SH3RF1: variants seen among roughly 807,000 people sequenced by gnomAD.
The protein encoded by SH3RF1 is E3 ubiquitin-protein ligase SH3RF1.
Under a neutral mutation model 74.0 loss-of-function variants are expected in SH3RF1, and 32 were observed. The ratio of observed to expected loss-of-function variants is 0.43; its 90% CI spans 0.33 to 0.58. SH3RF1 has a LOEUF of 0.58. SH3RF1 is among the 20% of genes least tolerant of loss of function. SH3RF1 has a pLI of 0.05. For missense variants in SH3RF1, 954 were observed against 1,130.9 expected (o/e 0.84, Z 2.24); for synonymous variants, 396 against 439.6 (o/e 0.90, Z 1.24).
At chr4:169,210,915 T>C (rs1378408433) in intron 2 of SH3RF1, among the ~76,000 whole-genome samples, 1 of 152,238 alleles carries the variant, frequency 6.6e-6, no homozygotes, top group Admixed American at 6.5e-5. Context: ...GACTTCCCGA[T>C]TTGCAAATTG....
intron 2 of SH3RF1, among the ~76,000 whole-genome samples, chr4:169,165,904 G>A (rs1734234511): frequency 3.3e-5 from 5 of 152,220 alleles, no homozygotes; most frequent in Admixed American, 2.6e-4. Context: ...AGAAGCCCAT[G>A]GGGAATAGAT....
At chr4:169,185,818 A>C (rs1435320848) in intron 2 of SH3RF1, among the ~76,000 whole-genome samples, 1 of 152,206 alleles carries the variant, frequency 6.6e-6, no homozygotes, top group Non-Finnish European at 1.5e-5. Flanking sequence ...TCTCTGCTTG[A>C]GGCAATGAGA....
At chr4:169,254,789 C>G (rs1033657868) in intron 2 of SH3RF1, among the ~76,000 whole-genome samples, 1 of 152,194 alleles carries the variant, frequency 6.6e-6, no homozygotes, top group Non-Finnish European at 1.5e-5. Context: ...TCTTCTGGAC[C>G]TGAACCCAAG....
chr4:169,146,635 A>G (rs34879961), intron 4 of SH3RF1, among the ~76,000 whole-genome samples: 15,213 of 152,236 alleles, frequency 0.1, 947 homozygotes, highest in South Asian at 0.18. Context: ...GGAAAATTTC[A>G]GAGACTGGAG....
intron 10 of SH3RF1, among the ~76,000 whole-genome samples, chr4:169,108,254 T>C (rs987052676): frequency 2.0e-5 from 3 of 152,124 alleles, no homozygotes; most frequent in Non-Finnish European, 4.4e-5. Context: ...TGTAGGCAAA[T>C]TGGAATTATT....
intron 2 of SH3RF1, among the ~76,000 whole-genome samples, chr4:169,237,751 A>G (rs1333734431): frequency 6.6e-6 from 1 of 152,210 alleles, no homozygotes; most frequent in Non-Finnish European, 1.5e-5. Flanking sequence ...TTACTGATAA[A>G]GAATTAGTAA....
rs567645333 is a variant in SH3RF1, at chr4:169,243,966, A to G, written c.393+24854T>C. On this transcript the variant is annotated intron_variant, in intron 2 of 11. Coordinates refer to ENST00000284637, the MANE Select transcript of SH3RF1 (RefSeq NM_020870.4). Reference sequence around the variant, plus strand: ...CATGGCAAGCTACCCTGGAGTTGCCAAAGTCAATATGTGAAGTCTGTCTCT... The same window carrying G: ...CATGGCAAGCTACCCTGGAGTTGCCGAAGTCAATATGTGAAGTCTGTCTCT... Among the ~76,000 whole-genome samples, 3 of 152,200 alleles carry G rather than the reference A, an allele frequency of 2.0e-5. No individual in the cohort carries two copies. The South Asian group carries it at 6.2e-4, about 32-fold the overall frequency.
rs775460725 is a variant in SH3RF1 at position 169,096,364 on chromosome 4, C to A, written c.*155G>T. ...ACACAAACATCTTCTTCATTCTGCT[C>A]GCTGGGGTAACTGTGCTGGGGCATC... On this transcript the variant is annotated 3_prime_UTR_variant, in exon 12 of 12. Coordinates refer to ENST00000284637, the MANE Select transcript of SH3RF1 (RefSeq NM_020870.4). 5.5e-6 allele frequency: 4 copies of A among 727,406 alleles called. No individual in the cohort carries two copies. The highest frequency in any genetic ancestry group is 5.3e-5 in the African/African-American group (3 of 56,530). The allele number at this position is 727,406 out of a possible 1,614,324, so 45.1% of individuals were successfully genotyped here.
At chr4:169,162,019 A>G (rs964374750) in intron 2 of SH3RF1, among the ~76,000 whole-genome samples, 2 of 152,170 alleles carry the variant, frequency 1.3e-5, no homozygotes, top group East Asian at 1.9e-4. Context: ...ATCTCTATAA[A>G]AAGTACAAAA....
chr4:169,116,359 C>T lies in SH3RF1; in HGVS notation c.2049G>A (p.Val683=). The T allele has an allele frequency of 6.2e-7, 1 of 1,614,166 alleles. No individual in the cohort carries two copies. The highest frequency in any genetic ancestry group is 8.5e-7 in the Non-Finnish European group (1 of 1,180,028). Residue 683 remains valine, a synonymous_variant, in exon 10 of 12, where the codon GTG becomes GTA. Transcript: ENST00000284637. The stretch of plus-strand genomic sequence containing the variant: ...ATGTGGGGAGTCCAGGGAGAACGGT[C>T]ACTATCCGGCCACTGGGCTCAGCCT... ...SLEAEPSGRI[V]TVLPGLPTSP...
intron 2 of SH3RF1, among the ~76,000 whole-genome samples, chr4:169,259,265 T>TCTGCACTA (rs1731236700): frequency 6.6e-6 from 1 of 152,240 alleles, no homozygotes; most frequent in African/African-American, 2.4e-5. Flanking sequence ...CCCTTGCCTT[T>TCTGCACTA]CTGCACTACG....
At chr4:169,213,738 C>T (rs1730416108) in intron 2 of SH3RF1, among the ~76,000 whole-genome samples, 1 of 152,178 alleles carries the variant, frequency 6.6e-6, no homozygotes, top group Non-Finnish European at 1.5e-5. Flanking sequence ...ATTTGAATGT[C>T]CAGTTACTCC....
At chr4:169,241,202 C>T (rs1014845432) in intron 2 of SH3RF1, among the ~76,000 whole-genome samples, 12 of 152,288 alleles carry the variant, frequency 7.9e-5, no homozygotes, top group Admixed American at 2.6e-4. Flanking sequence ...TGCACTCCAG[C>T]CTGGGCGACA....
chr4:169,253,437 G>T (rs189635303), intron 2 of SH3RF1, among the ~76,000 whole-genome samples: 4 of 152,308 alleles, frequency 2.6e-5, no homozygotes, highest in Admixed American at 1.3e-4. Context: ...GAGAGCCCAT[G>T]GGCTTTTGTC....
At chr4:169,118,559 G>A (rs1733381640) in intron 8 of SH3RF1, among the ~76,000 whole-genome samples, 1 of 152,074 alleles carries the variant, frequency 6.6e-6, no homozygotes, top group African/African-American at 2.4e-5. Context: ...AGGTTCAAGT[G>A]ATTCTCCTGT....
chr4:169,209,288 GAA>G (rs767430368), intron 2 of SH3RF1, among the ~76,000 whole-genome samples: 7 of 130,256 alleles, frequency 5.4e-5, no homozygotes, highest in Admixed American at 7.8e-5. Context: ...GACCCTGTCC[GAA>G]AAAAAAAAAA....
intron 2 of SH3RF1, among the ~76,000 whole-genome samples, chr4:169,179,330 C>T (rs1278353044): frequency 1.3e-5 from 2 of 152,186 alleles, no homozygotes; most frequent in Non-Finnish European, 2.9e-5. Context: ...CAAAAAGTAA[C>T]ATAGCCCTGC....
At chr4:169,234,870 T>C (rs1464360647) in intron 2 of SH3RF1, among the ~76,000 whole-genome samples, 2 of 152,064 alleles carry the variant, frequency 1.3e-5, no homozygotes, top group African/African-American at 4.8e-5. Context: ...CTGTGCATGG[T>C]AGGACGCACA....
At chr4:169,245,077 T>C (rs958562576) in intron 2 of SH3RF1, among the ~76,000 whole-genome samples, 1 of 152,210 alleles carries the variant, frequency 6.6e-6, no homozygotes, top group Non-Finnish European at 1.5e-5. Flanking sequence ...ATAATATATC[T>C]ATCATGCTAC....
Sources: allele counts gnomAD v4.1 joint callset (sites outside exome capture counted in the v4.1 genomes callset), GRCh38; gene constraint gnomAD v4.1.1; transcripts MANE v1.5; gene names NCBI Gene and HGNC (gene_info 2026-07-23, HGNC 2026-07-21).